Variants in NDUFAF6 observed in about 807,000 individuals in gnomAD.
NDUFAF6 encodes the protein NADH dehydrogenase (ubiquinone) complex I, assembly factor 6.
Under a neutral mutation model 40.8 loss-of-function variants are expected in NDUFAF6, and 45 were observed. The observed-to-expected ratio is 1.10, with a 90% CI of 0.87 to 1.42. NDUFAF6 has a LOEUF of 1.42. Ranked by LOEUF, NDUFAF6 falls within the 40% of genes most tolerant of loss-of-function variation. NDUFAF6 has a pLI of 0.00. For missense variants in NDUFAF6, 435 were observed against 418.5 expected, an observed-to-expected ratio of 1.04 and a Z score of -0.34; for synonymous variants, 185 against 155.9, an observed-to-expected ratio of 1.19 and a Z score of -1.39.
chr8:95,066,115 G>A (rs1045439366), intron 9 of NDUFAF6, among the ~76,000 whole-genome samples: 1 of 151,800 alleles, frequency 6.6e-6, no homozygotes, highest in African/African-American at 2.4e-5. Flanking sequence ...GAGCCTGAAG[G>A]GTATTTATTT....
At chr8:95,063,971 A>G (rs1832634321) in intron 9 of NDUFAF6, among the ~76,000 whole-genome samples, 1 of 150,044 alleles carries the variant, frequency 6.7e-6, no homozygotes, top group African/African-American at 2.5e-5. Context: ...TCCAGGGTTC[A>G]CACCATTCTC....
At chr8:94,937,676 A>G (rs764245487) in intron 1 of NDUFAF6, among the ~76,000 whole-genome samples, 1 of 152,046 alleles carries the variant, frequency 6.6e-6, no homozygotes, top group Non-Finnish European at 1.5e-5. Context: ...TGGTCCTAGG[A>G]CCAGGGCTGT....
chr8:95,055,826 A>T (rs1317580793), intron 8 of NDUFAF6, among the ~76,000 whole-genome samples: 1 of 152,238 alleles, frequency 6.6e-6, no homozygotes, highest in Non-Finnish European at 1.5e-5. Context: ...ATATATTGCA[A>T]TGTATAGCAT....
chr8:95,015,078 G>A (rs2599723), intron 2 of NDUFAF6, among the ~76,000 whole-genome samples: 138,116 of 152,274 alleles, frequency 0.91, 62,927 homozygotes, highest in East Asian at 1. Flanking sequence ...GAAAGAGAGC[G>A]GACCCACAGG....
upstream of NDUFAF6, among the ~76,000 whole-genome samples, chr8:95,098,171 C>T (rs909933606): frequency 2.0e-5 from 3 of 152,156 alleles, no homozygotes; most frequent in Non-Finnish European, 4.4e-5. Context: ...ACATCTGGAG[C>T]GTTCCTAACT....
intron 1 of NDUFAF6, among the ~76,000 whole-genome samples, chr8:94,921,285 G>A (rs1470579392): frequency 6.6e-6 from 1 of 152,226 alleles, no homozygotes; most frequent in African/African-American, 2.4e-5. Flanking sequence ...TTTCTTGACT[G>A]AAGTTAAGTG....
rs531648790 is a variant in NDUFAF6, at chr8:94,970,315, G to A, written c.-198-10544G>A. ...ATAAAATGACGTGTTTTCAACTATT[G>A]AATTAGCAAAAAGTTACTAATATCA... is the stretch of plus-strand genomic sequence containing the variant. On this transcript the variant is annotated intron_variant, in intron 1 of 9. Transcript: ENST00000396111. Among the ~76,000 whole-genome samples the A allele has an allele frequency of 4.5e-3, 668 of 147,386 alleles. 5 individuals carry two copies. Among genetic ancestry groups the A allele is most frequent in the Non-Finnish European group, 4.7e-3 (314 of 66,688 alleles).
chr8:95,101,963 T>C (rs1002330635), intron 2 of NDUFAF6, among the ~76,000 whole-genome samples: 50 of 151,718 alleles, frequency 3.3e-4, no homozygotes, highest in African/African-American at 1.1e-3. Flanking sequence ...CGTGATCATT[T>C]GAACATTAGG....
At chr8:94,933,172 C>T (rs1022029039) in intron 1 of NDUFAF6, among the ~76,000 whole-genome samples, 6 of 152,164 alleles carry the variant, frequency 3.9e-5, no homozygotes, top group African/African-American at 7.2e-5. Flanking sequence ...GCCGAGATTG[C>T]GCCGCTGCAA....
chr8:95,110,698 C>T (rs1809975927), intron 4 of NDUFAF6, among the ~76,000 whole-genome samples: 1 of 152,156 alleles, frequency 6.6e-6, no homozygotes, highest in African/African-American at 2.4e-5. Context: ...TGTTCTTCTG[C>T]CTCCTCTGTA....
chr8:94,985,492 TATATATATATATATATATATATA>T (rs1282052170), intron 2 of NDUFAF6, among the ~76,000 whole-genome samples: 177 of 7,768 alleles, frequency 0.023, 1 homozygote, highest in Non-Finnish European at 0.036. Context: ...TATATATATA[TATATATATATATATATATATATA>T]TTTTTTTTTT....
intron 2 of NDUFAF6, among the ~76,000 whole-genome samples, chr8:94,993,263 A>G (rs946847205): frequency 6.6e-6 from 1 of 152,196 alleles, no homozygotes; most frequent in African/African-American, 2.4e-5. Context: ...TTACCTCTTC[A>G]AAGACCTTGT....
At chr8:95,041,691 A>G (rs1435712911) in intron 4 of NDUFAF6, 65 bp downstream of exon 4, 7 of 1,310,050 alleles carry the variant, frequency 5.3e-6, no homozygotes, top group South Asian at 3.6e-5. Context: ...TAATTCTTCA[A>G]GAAGGACATT....
chr8:94,904,708 G>T (rs1319184073), intron 1 of NDUFAF6, among the ~76,000 whole-genome samples: 3 of 151,730 alleles, frequency 2.0e-5, no homozygotes, highest in African/African-American at 7.3e-5. Flanking sequence ...CAGTGTTTCT[G>T]TATTTCTTTC....
chr8:95,111,388 G>A (rs1809995643), intron 4 of NDUFAF6, among the ~76,000 whole-genome samples: 1 of 152,162 alleles, frequency 6.6e-6, no homozygotes, highest in African/African-American at 2.4e-5. Flanking sequence ...ACTGACATAT[G>A]TATCCTTTAA....
chr8:95,028,007 G>GT (rs2131737758), intron 1 of NDUFAF6, among the ~76,000 whole-genome samples: 1 of 152,360 alleles, frequency 6.6e-6, no homozygotes, highest in Non-Finnish European at 1.5e-5. Context: ...TAGTGAGAAG[G>GT]TGAGGAGGTA....
intron 2 of NDUFAF6, chr8:94,989,340 G>C (rs1826087813): frequency 6.6e-6 from 1 of 152,166 alleles, no homozygotes; most frequent in Non-Finnish European, 1.5e-5. Context: ...AATTTTTCCA[G>C]TGACAGTTGG....
At chr8:95,058,755 A>G, downstream of NDUFAF6, 1 of 988,834 alleles carries the variant, frequency 1.0e-6, no homozygotes, top group Admixed American at 6.1e-5. Flanking sequence ...AGTGATGAGC[A>G]CTGTGCTGTA....
intron 2 of NDUFAF6, among the ~76,000 whole-genome samples, chr8:95,084,615 C>CCTTGGGTACCAATTCCATGG (rs1220385983): frequency 6.6e-6 from 1 of 152,194 alleles, no homozygotes; most frequent in Non-Finnish European, 1.5e-5. Context: ...TATTCAGCAT[C>CCTTGGGTACCAATTCCATGG]CTTGGGTACC....
Sources: allele counts gnomAD v4.1 joint callset (sites outside exome capture counted in the v4.1 genomes callset), GRCh38; gene constraint gnomAD v4.1.1; transcripts MANE v1.5; gene names NCBI Gene and HGNC (gene_info 2026-07-23, HGNC 2026-07-21).